Variants in KCNJ6 observed in about 807,000 individuals in gnomAD.
KCNJ6 encodes the protein G protein-activated inward rectifier potassium channel 2.
KCNJ6 carries 9 observed loss-of-function variants against 34.2 expected under a neutral mutation model. That is an observed-to-expected ratio of 0.26 (90% CI 0.16 to 0.46). KCNJ6 has a LOEUF of 0.46. KCNJ6 is among the 20% of genes least tolerant of loss of function. KCNJ6 has a pLI of 1.00. For synonymous variants in KCNJ6, 196 were observed against 207.1 expected (o/e 0.95, Z 0.46); for missense variants, 236 against 531.3 (o/e 0.44, Z 5.46).
intron 2 of KCNJ6, among the ~76,000 whole-genome samples, chr21:37,764,052 A>T (rs2055079093): frequency 6.6e-6 from 1 of 152,238 alleles, no homozygotes. Context: ...CCCTGATTTG[A>T]CAAAGTGAAT....
chr21:37,607,712 T>G lies in KCNJ6; in HGVS notation c.*17447A>C, dbSNP rs1302655387. 1 of 152,064 alleles carries G rather than the reference T, an allele frequency of 6.6e-6. No individual in the cohort carries two copies. The highest frequency in any genetic ancestry group is 1.9e-4 in the East Asian group (1 of 5,198). The allele number at this position is 152,064 out of a possible 1,614,324, so 9.4% of individuals were successfully genotyped here. A position where few individuals can be genotyped will look rare whatever the true frequency, so the allele number is the denominator to read the frequency against. On this transcript the variant is annotated 3_prime_UTR_variant, in exon 4 of 4. Transcript: ENST00000609713. ...GGTGGAAAAGTTGGCAAGATTGACCTCAGAAGCAAATCTTAGTGACTTTAT... is the reference window on the plus strand; with the variant it reads ...GGTGGAAAAGTTGGCAAGATTGACCGCAGAAGCAAATCTTAGTGACTTTAT...
chr21:37,674,630 C>T (rs2054556537), intron 3 of KCNJ6, among the ~76,000 whole-genome samples: 1 of 151,280 alleles, frequency 6.6e-6, no homozygotes, highest in African/African-American at 2.4e-5. Context: ...CCACAGGGCT[C>T]ACACCTCCTC....
At chr21:37,798,527 T>C (rs1414867716) in intron 2 of KCNJ6, among the ~76,000 whole-genome samples, 14 of 152,330 alleles carry the variant, frequency 9.2e-5, no homozygotes. Context: ...AACTCAAATG[T>C]ACATCAACCG....
intron 3 of KCNJ6, among the ~76,000 whole-genome samples, chr21:37,638,801 C>T (rs2054368803): frequency 6.6e-6 from 1 of 152,234 alleles, no homozygotes; most frequent in Admixed American, 6.5e-5. Context: ...TCTCAAACTG[C>T]AGGAAACTTC....
At position 37,859,120 on chromosome 21, in the gene KCNJ6, A is replaced by G. The variant is rs78634896; in HGVS notation, c.-27-18411T>C. On this transcript the variant is annotated intron_variant, in intron 1 of 3. Coordinates refer to ENST00000609713, the MANE Select transcript of KCNJ6 (RefSeq NM_002240.5). ...AAATATGATAAAGAACAATAAACAT[A>G]TTTTTAAGATCTAGAGGCTTCATGG... 4.6e-5 allele frequency among the ~76,000 whole-genome samples: 7 copies of G among 152,260 alleles called. No individual in the cohort carries two copies. In the East Asian group the frequency reaches 1.3e-3, roughly 29 times the overall value.
intron 3 of KCNJ6, among the ~76,000 whole-genome samples, chr21:37,661,613 A>G (rs1478325316): frequency 8.5e-5 from 4 of 47,270 alleles, no homozygotes; most frequent in Admixed American, 4.9e-4. Flanking sequence ...TAAGAGACAT[A>G]GTTTTTTTTT....
chr21:37,853,835 C>CATATATAT (rs1555850305), intron 1 of KCNJ6, among the ~76,000 whole-genome samples: 1 of 43,238 alleles, frequency 2.3e-5, no homozygotes, highest in African/African-American at 1.8e-4. Flanking sequence ...TTAAGAGATA[C>CATATATAT]ATATATATAT....
intron 3 of KCNJ6, among the ~76,000 whole-genome samples, chr21:37,632,998 T>G (rs2054340649): frequency 6.6e-6 from 1 of 151,962 alleles, no homozygotes; most frequent in African/African-American, 2.4e-5. Flanking sequence ...GCAAATAATC[T>G]TGATAATAAA....
intron 3 of KCNJ6, among the ~76,000 whole-genome samples, chr21:37,632,888 TA>T (rs1427967391): frequency 6.6e-6 from 1 of 152,126 alleles, no homozygotes; most frequent in Admixed American, 6.5e-5. Flanking sequence ...CAGACAATCT[TA>T]AAGATGAGTT....
At chr21:37,727,941 A>C (rs764405944) in intron 2 of KCNJ6, among the ~76,000 whole-genome samples, 4 of 152,242 alleles carry the variant, frequency 2.6e-5, no homozygotes, top group Non-Finnish European at 5.9e-5. Context: ...ATCACAGATC[A>C]AGCAAAGCCT....
At position 37,821,555 on chromosome 21, in the gene KCNJ6, C is replaced by T. The variant is rs145939224; in HGVS notation, c.25+19103G>A. On this transcript the variant is annotated intron_variant, in intron 2 of 3. Coordinates refer to ENST00000609713, the MANE Select transcript of KCNJ6 (RefSeq NM_002240.5). The stretch of plus-strand genomic sequence containing the variant: ...GATGCTCTCCTTTCCCCTGCCCCCC[C>T]AACAGGCCCCAATGTGTGTTGTTTC... 2.2e-4 allele frequency among the ~76,000 whole-genome samples: 33 copies of T among 152,258 alleles called. No homozygotes were observed. The East Asian group carries it at 6.4e-3, about 29-fold the overall frequency.
At position 37,695,226 on chromosome 21, in the gene KCNJ6, A is replaced by G. The variant is rs2054658734; in HGVS notation, c.946+18985T>C. Among the ~76,000 whole-genome samples the G allele has an allele frequency of 6.6e-6, 1 of 152,178 alleles. No individual in the cohort carries two copies. The highest frequency in any genetic ancestry group is 1.5e-5 in the Non-Finnish European group (1 of 68,032). On this transcript the variant is annotated intron_variant, in intron 3 of 3. Coordinates refer to ENST00000609713, the MANE Select transcript of KCNJ6 (RefSeq NM_002240.5). The surrounding 1 kb of genome is among the most constrained non-coding windows in gnomAD (Gnocchi z 4.2). Reference sequence around the variant, plus strand: ...TGATTCCAGGCATTGTTGCAACCACAAGGGAGACCTGGCTTGTTACAGAAC... The same window carrying G: ...TGATTCCAGGCATTGTTGCAACCACGAGGGAGACCTGGCTTGTTACAGAAC...
chr21:37,749,345 C>A (rs2835931), intron 2 of KCNJ6, among the ~76,000 whole-genome samples: 1 of 151,926 alleles, frequency 6.6e-6, no homozygotes, highest in Non-Finnish European at 1.5e-5. Context: ...GAATAAAGTA[C>A]GCGTGGGCAA....
intron 1 of KCNJ6, among the ~76,000 whole-genome samples, chr21:37,865,574 G>A (rs940966486): frequency 2.4e-4 from 37 of 152,200 alleles, no homozygotes; most frequent in Admixed American, 1.3e-4. Flanking sequence ...GCTCCTTATA[G>A]CTTATCTAAT....
At chr21:37,715,497 T>C (rs1346013607) in intron 2 of KCNJ6, among the ~76,000 whole-genome samples, 1 of 152,228 alleles carries the variant, frequency 6.6e-6, no homozygotes, top group African/African-American at 2.4e-5. Flanking sequence ...GAGTCCTCTT[T>C]AGATTCAGAC....
At chr21:37,763,141 G>C (rs766216212) in intron 2 of KCNJ6, among the ~76,000 whole-genome samples, 3 of 152,040 alleles carry the variant, frequency 2.0e-5, no homozygotes, top group South Asian at 2.1e-4. Flanking sequence ...TTCTGGGAGA[G>C]TACAAGGCAA....
In KCNJ6 at chr21:37,695,504, C is replaced by G. The variant is rs192088776; in HGVS notation, c.946+18707G>C. 1.2e-4 allele frequency among the ~76,000 whole-genome samples: 19 copies of G among 152,238 alleles called. No homozygotes were observed. Among genetic ancestry groups the G allele is most frequent in the Admixed American group, 1.2e-3 (18 of 15,286 alleles). On this transcript the variant is annotated intron_variant, in intron 3 of 3. Coordinates refer to ENST00000609713, the MANE Select transcript of KCNJ6 (RefSeq NM_002240.5). The surrounding 1 kb of genome is among the most constrained non-coding windows in gnomAD (Gnocchi z 4.2). ...CTCCTGCAGGTGTTAAGAGCTGGGT[C>G]TGAGACTTCTGGAAGAATGCAGGAG...
At chr21:37,725,047 A>T (rs2054847108) in intron 2 of KCNJ6, among the ~76,000 whole-genome samples, 1 of 152,240 alleles carries the variant, frequency 6.6e-6, no homozygotes, top group African/African-American at 2.4e-5. Context: ...TGTCTATTAA[A>T]AAAACAGGAA....
Position 37,715,029 on chromosome 21 carries a change from T to A in KCNJ6, c.128A>T (p.His43Leu), listed in dbSNP as rs1291800711. 6.2e-7 allele frequency: 1 copy of A among 1,614,226 alleles called. No individual in the cohort carries two copies. The highest frequency in any genetic ancestry group is 1.7e-5 in the Admixed American group (1 of 60,032). ...CCTTTTGGTCCGATCTCGGCTGATG[T>A]GTCTTGGCAGGTCATCCCTGGCCTG... ...PKQARDDLPRHISRDRTKRKI... is the reference protein window; with the variant it reads ...PKQARDDLPRLISRDRTKRKI... The change falls in exon 3 of 4, where the codon CAC (histidine) becomes CTC (leucine). Residue 43 changes from histidine to leucine, a missense_variant. This residue lies in a region of KCNJ6 where 64 missense variants were observed against 68.9 expected (regional missense o/e 0.93). Transcript: ENST00000609713.
Sources: allele counts gnomAD v4.1 joint callset (sites outside exome capture counted in the v4.1 genomes callset), GRCh38; gene constraint gnomAD v4.1.1; regional missense constraint gnomAD v4.1.1; non-coding constraint Gnocchi (gnomAD v3.1); transcripts MANE v1.5; gene names NCBI Gene and HGNC (gene_info 2026-07-23, HGNC 2026-07-21).